LAIR1: variants seen among roughly 807,000 people sequenced by gnomAD.
LAIR1 encodes the protein leukocyte-associated immunoglobulin-like receptor 1.
Under a neutral mutation model 32.8 loss-of-function variants are expected in LAIR1, and 24 were observed. The observed-to-expected ratio is 0.73, with a 90% CI of 0.53 to 1.03. The LOEUF (loss-of-function observed/expected upper bound fraction) is 1.03. Ranked by LOEUF, LAIR1 falls within the 50% of genes least tolerant of loss-of-function variation. LAIR1 has a pLI of 0.00. For synonymous variants in LAIR1, 150 were observed against 140.5 expected (o/e 1.07, Z -0.48); for missense variants, 355 against 347.5 (o/e 1.02, Z -0.17).
chr19:54,364,893 G>T lies in LAIR1; in HGVS notation c.-89C>A. 2 of 1,610,476 alleles carry T rather than the reference G, an allele frequency of 1.2e-6. No homozygotes were observed. The highest frequency in any genetic ancestry group is 1.7e-6 in the Non-Finnish European group (2 of 1,178,306). Reference sequence around the variant, plus strand: ...CAGACACAAGCAGACAGGATGTGCTGCCCGGGGGCCTCCTGCCTATGGGGC... The same window carrying T: ...CAGACACAAGCAGACAGGATGTGCTTCCCGGGGGCCTCCTGCCTATGGGGC... On this transcript the variant is annotated 5_prime_UTR_variant, in exon 1 of 10. Coordinates refer to ENST00000391742, the MANE Select transcript of LAIR1 (RefSeq NM_002287.6). This position sits in a 1 kb window ranked among gnomAD's most constrained non-coding sequence, Gnocchi z 4.8.
chr19:54,373,228 G>C (rs1218616591), upstream of LAIR1, among the ~76,000 whole-genome samples: 1 of 151,206 alleles, frequency 6.6e-6, no homozygotes, highest in Non-Finnish European at 1.5e-5. Flanking sequence ...AGATCACGAG[G>C]TCAGGTGATC....
chr19:54,361,065 T>C lies in LAIR1; in HGVS notation c.215A>G (p.Glu72Gly). The change falls in exon 3 of 10, where the codon GAA becomes GGA. Residue 72 changes from glutamate to glycine, a missense_variant. Glu to Gly is a moderately conservative substitution (Grantham distance 98). Transcript: ENST00000391742. ...RDSRSTYNDT[E>G]DVSQASPSES... is the part of the protein sequence containing the mutation. ...AGATGGACTAGCTTGAGACACATCT[T>C]CAGTATCATTGTATGTGGATCTACT... The C allele has an allele frequency of 6.2e-7, 1 of 1,614,194 alleles. No individual in the cohort carries two copies. Among genetic ancestry groups the C allele is most frequent in the African/African-American group, 1.3e-5 (1 of 75,036 alleles).
intron 4 of LAIR1, chr19:54,358,091 A>G (rs2081814182): frequency 6.8e-6 from 1 of 146,152 alleles, no homozygotes; most frequent in African/African-American, 2.5e-5. Context: ...TATATGATTT[A>G]TAACTTATAA....
At position 54,353,618 on chromosome 19, in the gene LAIR1, G is replaced by C. The variant is rs1045537598; in HGVS notation, c.*1650C>G. ...ATAAATGAGGAAAATAATAGAGCACGCTGTGGAGGGTTTGTAGGAGAATTT... is the reference window on the plus strand; with the variant it reads ...ATAAATGAGGAAAATAATAGAGCACCCTGTGGAGGGTTTGTAGGAGAATTT... On this transcript the variant is annotated 3_prime_UTR_variant, in exon 10 of 10. Transcript: ENST00000391742. The C allele has an allele frequency of 6.6e-6, 1 of 152,162 alleles. No homozygotes were observed. The highest frequency in any genetic ancestry group is 2.4e-5 in the African/African-American group (1 of 41,450). The allele number at this position is 152,162 out of a possible 1,614,324, so 9.4% of individuals were successfully genotyped here.
upstream of LAIR1, chr19:54,365,058 G>C: frequency 7.2e-7 from 1 of 1,387,020 alleles, no homozygotes; most frequent in South Asian, 1.6e-5. Context: ...GCAGATGACC[G>C]TAAACTAGTT....
chr19:54,370,599 G>T, upstream of LAIR1: 2 of 285,844 alleles, frequency 7.0e-6, no homozygotes, highest in South Asian at 9.7e-5. Context: ...CACAGGATGT[G>T]GTCTGCCAGG....
upstream of LAIR1, among the ~76,000 whole-genome samples, chr19:54,367,329 C>T (rs367894800): frequency 3.9e-5 from 6 of 152,178 alleles, no homozygotes; most frequent in South Asian, 1.0e-3. Context: ...TCAAAGAGTT[C>T]TGCATGTTAC....
Position 54,361,156 on chromosome 19 carries a change from C to T in LAIR1, c.124G>A (p.Gly42Arg), listed in dbSNP as rs779173649. 2.5e-6 allele frequency: 4 copies of T among 1,614,180 alleles called. No homozygotes were observed. The East Asian group carries it at 8.9e-5, about 36-fold the overall frequency. Residue 42 changes from glycine (G) to arginine (R), a missense_variant, in exon 3 of 10, where the codon GGG (glycine) becomes AGG (arginine). Gly to Arg is a moderately radical substitution (Grantham distance 125). Coordinates refer to ENST00000391742, the MANE Select transcript of LAIR1 (RefSeq NM_002287.6). ...SAEPGTVIPL[G>R]SHVTFVCRGP... The stretch of plus-strand genomic sequence containing the variant: ...CGGCACACGAAAGTCACATGGCTCC[C>T]CAGGGGGATCACGGTGCCTGGCTCA...
chr19:54,356,704 A>G (rs2081732061), intron 5 of LAIR1, 85 bp from the exon 6 acceptor site: 1 of 1,360,528 alleles, frequency 7.4e-7, no homozygotes, highest in African/African-American at 1.4e-5. Context: ...TGCGTTTCAT[A>G]GACTTACTAA....
rs2081651138 is a variant in LAIR1, at chr19:54,355,472, G to A, written c.718-58C>T. 2.7e-6 allele frequency: 4 copies of A among 1,485,396 alleles called. No individual in the cohort carries two copies. The highest frequency in any genetic ancestry group is 2.3e-5 in the East Asian group (1 of 43,054). The allele number at this position is 1,485,396 out of a possible 1,614,324, so 92.0% of individuals were successfully genotyped here. On this transcript the variant is annotated intron_variant, in intron 9 of 9. Coordinates refer to ENST00000391742, the MANE Select transcript of LAIR1 (RefSeq NM_002287.6). This position sits in a 1 kb window ranked among gnomAD's most constrained non-coding sequence, Gnocchi z 4.7. Reference sequence around the variant, plus strand: ...CTGGTGGAGGGTGAGACGAGGGGCTGTGGGGAGGGAGGGCTGTGGCGGCCA... The same window carrying A: ...CTGGTGGAGGGTGAGACGAGGGGCTATGGGGAGGGAGGGCTGTGGCGGCCA...
rs2082202597 is a variant in LAIR1, at chr19:54,364,927, C to T, written c.-123G>A. ...CCTCCTGCCTATGGGGCTTCCACAG[C>T]AACTGCCTCACACAAGAGGAAGAGC... On this transcript the variant is annotated 5_prime_UTR_variant, in exon 1 of 10. Transcript: ENST00000391742. The surrounding 1 kb of genome is among the most constrained non-coding windows in gnomAD (Gnocchi z 4.8). 7 of 1,584,406 alleles carry T rather than the reference C, an allele frequency of 4.4e-6. No homozygotes were observed. The highest frequency in any genetic ancestry group is 6.0e-6 in the Non-Finnish European group (7 of 1,164,840).
At chr19:54,365,800 A>G (rs2082233185), upstream of LAIR1, among the ~76,000 whole-genome samples, 2 of 151,434 alleles carry the variant, frequency 1.3e-5, no homozygotes, top group African/African-American at 2.4e-5. Flanking sequence ...AAAAAAAATC[A>G]GTATGTCAAA....
rs2081680087 is a variant in LAIR1, at chr19:54,355,971, T to A, written c.700A>T (p.Arg234Ter). The change falls in exon 9 of 10, where the codon AGA (arginine) becomes TGA (stop). Residue 234 changes from arginine (R) to a stop codon, truncating the protein, a stop_gained. Coordinates refer to ENST00000391742, the MANE Select transcript of LAIR1 (RefSeq NM_002287.6). LOFTEE classifies it low-confidence loss of function (END_TRUNC). This position sits in a 1 kb window ranked among gnomAD's most constrained non-coding sequence, Gnocchi z 4.7. ...AGGCTCACCGAGGTGTCCGTCTCTC[T>A]GTCCTTCTCAGGAAGTCCATTGACT... is the stretch of plus-strand genomic sequence containing the variant. ...ATVNGLPEKD[R>*]ETDTSALAAG... 6.2e-7 allele frequency: 1 copy of A among 1,607,814 alleles called. No homozygotes were observed. Among genetic ancestry groups the A allele is most frequent in the Non-Finnish European group, 8.5e-7 (1 of 1,174,058 alleles).
intron 3 of LAIR1, 80 bp downstream of exon 3, chr19:54,360,836 G>T: frequency 7.0e-7 from 1 of 1,422,544 alleles, no homozygotes; most frequent in Non-Finnish European, 9.7e-7. Flanking sequence ...GAGGACAGCA[G>T]CTGGGACAGG....
upstream of LAIR1, among the ~76,000 whole-genome samples, chr19:54,369,260 C>A (rs2082345587): frequency 1.3e-5 from 2 of 151,456 alleles, no homozygotes; most frequent in Admixed American, 1.3e-4. Context: ...GCATTTACTT[C>A]CCTCTCTGTT....
intron 3 of LAIR1, chr19:54,360,673 G>T (rs1417718389): frequency 3.6e-6 from 2 of 560,716 alleles, no homozygotes; most frequent in Non-Finnish European, 3.2e-6. Context: ...GAGCCCACCA[G>T]ATGCTGGAGC....
At chr19:54,366,662 G>A (rs2082265763), upstream of LAIR1, among the ~76,000 whole-genome samples, 1 of 152,050 alleles carries the variant, frequency 6.6e-6, no homozygotes, top group Non-Finnish European at 1.5e-5. Context: ...CTAATTTTTT[G>A]TATTTTTAGC....
chr19:54,365,098 A>C, upstream of LAIR1: 1 of 1,300,048 alleles, frequency 7.7e-7, no homozygotes, highest in Non-Finnish European at 9.8e-7. Flanking sequence ...TTCTAAATCT[A>C]TGGGACAAGG....
chr19:54,360,672 A>T, intron 3 of LAIR1: 2 of 559,250 alleles, frequency 3.6e-6, no homozygotes, highest in Non-Finnish European at 6.4e-6. Context: ...TGAGCCCACC[A>T]GATGCTGGAG....
Sources: gnomAD v4.1 joint callset for allele counts (sites outside exome capture counted in the v4.1 genomes callset) on GRCh38, gnomAD v4.1.1 for gene constraint, Gnocchi (gnomAD v3.1) non-coding constraint, MANE v1.5 for transcripts, NCBI Gene and HGNC (gene_info 2026-07-23, HGNC 2026-07-21) for gene names.